ADGRL3: variants seen among roughly 807,000 people sequenced by gnomAD.
The protein encoded by ADGRL3 is adhesion G protein-coupled receptor L3.
ADGRL3 carries 62 observed loss-of-function variants against 153.5 expected under a neutral mutation model. That is an observed-to-expected ratio of 0.40 (90% confidence interval 0.33 to 0.50). The LOEUF is 0.50. Among genes scored for constraint, ADGRL3 ranks in the 20% least tolerant of loss-of-function variants. ADGRL3 has a pLI of 0.47. For missense variants in ADGRL3, 1,641 were observed against 1,859.4 expected, an observed-to-expected ratio of 0.88 and a Z score of 2.16; for synonymous variants, 710 against 672.5, an observed-to-expected ratio of 1.06 and a Z score of -0.86.
At chr4:61,973,610 C>A (rs909408025) in intron 17 of ADGRL3, among the ~76,000 whole-genome samples, 1 of 151,940 alleles carries the variant, frequency 6.6e-6, no homozygotes, top group Non-Finnish European at 1.5e-5. Flanking sequence ...AGGAATAATT[C>A]TGTCATTCTC....
chr4:61,239,465 C>T (rs1205636444), intron 1 of ADGRL3, among the ~76,000 whole-genome samples: 2 of 152,014 alleles, frequency 1.3e-5, no homozygotes, highest in Non-Finnish European at 2.9e-5. Context: ...ATTAAAATAG[C>T]CCTAAAGTAA....
At chr4:61,321,178 C>T (rs1000882223) in intron 1 of ADGRL3, among the ~76,000 whole-genome samples, 51 of 152,252 alleles carry the variant, frequency 3.3e-4, no homozygotes, top group African/African-American at 1.2e-3. Context: ...ACATAATAAG[C>T]TCTGAGCTTT....
chr4:61,304,803 T>C (rs1490243562), intron 1 of ADGRL3, among the ~76,000 whole-genome samples: 1 of 152,174 alleles, frequency 6.6e-6, no homozygotes, highest in Non-Finnish European at 1.5e-5. Flanking sequence ...GTTACTCATG[T>C]AGTGAATGCT....
chr4:61,347,441 G>C (rs182684472), intron 1 of ADGRL3, among the ~76,000 whole-genome samples: 469 of 152,200 alleles, frequency 3.1e-3, no homozygotes, highest in Non-Finnish European at 4.6e-3. Flanking sequence ...CTAGTATTCA[G>C]TATGTAATTC....
intron 2 of ADGRL3, among the ~76,000 whole-genome samples, chr4:61,447,652 C>A (rs1247416943): frequency 1.3e-5 from 2 of 151,888 alleles, no homozygotes; most frequent in African/African-American, 4.8e-5. Context: ...TTCTAAATGT[C>A]AAAAAAGGGA....
chr4:61,251,892 T>TA (rs1391559669), intron 1 of ADGRL3, among the ~76,000 whole-genome samples: 1 of 151,504 alleles, frequency 6.6e-6, no homozygotes, highest in East Asian at 1.9e-4. Flanking sequence ...TTTTTTATTT[T>TA]TTTTTTTAGA....
intron 8 of ADGRL3, among the ~76,000 whole-genome samples, chr4:61,756,251 G>A (rs1430963523): frequency 6.6e-6 from 1 of 152,176 alleles, no homozygotes; most frequent in East Asian, 1.9e-4. Flanking sequence ...CTACCCATGA[G>A]CATGGAATGT....
intron 2 of ADGRL3, among the ~76,000 whole-genome samples, chr4:61,438,112 C>G (rs562940425): frequency 6.6e-6 from 1 of 152,130 alleles, no homozygotes; most frequent in African/African-American, 2.4e-5. Context: ...TGATACTCAT[C>G]ATTGTATTAC....
chr4:61,494,097 T>C (rs896749297), intron 2 of ADGRL3, among the ~76,000 whole-genome samples: 8 of 150,118 alleles, frequency 5.3e-5, no homozygotes, highest in African/African-American at 1.7e-4. Context: ...TTTTTTTTTT[T>C]CACTACAGTA....
chr4:61,403,818 A>G (rs965333094), intron 2 of ADGRL3, among the ~76,000 whole-genome samples: 5 of 152,056 alleles, frequency 3.3e-5, no homozygotes, highest in African/African-American at 9.7e-5. Flanking sequence ...ACTAAATTAT[A>G]GGACACACAG....
intron 2 of ADGRL3, among the ~76,000 whole-genome samples, chr4:61,449,286 G>T (rs199571228): frequency 6.6e-6 from 1 of 151,792 alleles, no homozygotes; most frequent in African/African-American, 2.4e-5. Context: ...AGAGAAATGC[G>T]CCACCACGCC....
intron 2 of ADGRL3, among the ~76,000 whole-genome samples, chr4:61,424,003 G>A (rs1373473524): frequency 6.6e-6 from 1 of 152,120 alleles, no homozygotes; most frequent in East Asian, 1.9e-4. Context: ...ACAAAAATAG[G>A]ACAATGTGAC....
At chr4:61,580,017 G>A (rs764193800) in intron 4 of ADGRL3, among the ~76,000 whole-genome samples, 5 of 151,946 alleles carry the variant, frequency 3.3e-5, no homozygotes, top group African/African-American at 7.2e-5. Context: ...AAAATGACAC[G>A]GAGAAAATAC....
intron 2 of ADGRL3, among the ~76,000 whole-genome samples, chr4:61,414,673 TG>T (rs998337720): frequency 3.3e-5 from 5 of 151,846 alleles, no homozygotes; most frequent in Non-Finnish European, 7.4e-5. Flanking sequence ...AATTGCTTTA[TG>T]TTTTTTTTTT....
At chr4:61,815,741 GGATT>G (rs1243610634) in intron 9 of ADGRL3, among the ~76,000 whole-genome samples, 4 of 152,166 alleles carry the variant, frequency 2.6e-5, no homozygotes, top group Non-Finnish European at 4.4e-5. Context: ...CCTAATGAAT[GGATT>G]GATGACCTTA....
At chr4:62,022,805 A>T (rs1312386825) in intron 21 of ADGRL3, among the ~76,000 whole-genome samples, 2 of 150,622 alleles carry the variant, frequency 1.3e-5, no homozygotes, top group African/African-American at 4.9e-5. Flanking sequence ...AAAAAAAAAA[A>T]TTCTTTCAAA....
chr4:61,997,439 C>T (rs778682933), intron 20 of ADGRL3, among the ~76,000 whole-genome samples: 5 of 151,768 alleles, frequency 3.3e-5, no homozygotes, highest in East Asian at 3.9e-4. Context: ...TAAAGTATTG[C>T]GAACATGTAT....
chr4:61,526,186 T>C (rs1246060048), intron 4 of ADGRL3, among the ~76,000 whole-genome samples: 1 of 152,144 alleles, frequency 6.6e-6, no homozygotes, highest in Non-Finnish European at 1.5e-5. Flanking sequence ...AGAAAGTTCA[T>C]ACAGATGTAA....
At chr4:61,260,871 G>A (rs369732144) in intron 1 of ADGRL3, among the ~76,000 whole-genome samples, 8 of 151,886 alleles carry the variant, frequency 5.3e-5, no homozygotes, top group Non-Finnish European at 1.2e-4. Context: ...GACTATGGGC[G>A]TGTACCACCA....
Sources: gnomAD v4.1 joint callset for allele counts (sites outside exome capture counted in the v4.1 genomes callset) on GRCh38, gnomAD v4.1.1 for gene constraint, MANE v1.5 for transcripts, NCBI Gene and HGNC (gene_info 2026-07-23, HGNC 2026-07-21) for gene names.